Variants in ANKRD36B observed in about 807,000 individuals in gnomAD.
ANKRD36B encodes the protein ankyrin repeat domain-containing protein 36B.
ANKRD36B carries 37 observed loss-of-function variants against 135.7 expected under a neutral mutation model. The observed-to-expected ratio is 0.27, with a 90% CI of 0.21 to 0.36. The LOEUF is 0.36. ANKRD36B is among the 10% of genes least tolerant of loss of function. The pLI is 1.00. For synonymous variants in ANKRD36B, 179 were observed against 348.1 expected (o/e 0.51, Z 5.41); for missense variants, 549 against 1,037.1 (o/e 0.53, Z 6.46).
chr2:97,572,720 A>G lies in ANKRD36B; in HGVS notation c.763+3659T>C, dbSNP rs78405030. 3.1e-4 allele frequency among the ~76,000 whole-genome samples: 46 copies of G among 150,396 alleles called. No individual in the cohort carries two copies. The East Asian group carries it at 7.0e-3, about 23-fold the overall frequency. On this transcript the variant is annotated intron_variant, in intron 6 of 43. Coordinates refer to ENST00000359901, the MANE Select transcript of ANKRD36B (RefSeq NM_001393939.1). Reference sequence around the variant, plus strand: ...TGTGTTAGAAATGTGTTCTAATAATATTTTCTTTAGGGACGAAATTAAAAA... The same window carrying G: ...TGTGTTAGAAATGTGTTCTAATAATGTTTTCTTTAGGGACGAAATTAAAAA...
intron 6 of ANKRD36B, among the ~76,000 whole-genome samples, chr2:97,576,158 G>A (rs1397726184): frequency 2.0e-5 from 3 of 150,318 alleles, no homozygotes; most frequent in Non-Finnish European, 3.0e-5. Flanking sequence ...TAGAATACTA[G>A]GAACGATAAT....
At chr2:97,567,902 T>C (rs1456312373) in intron 6 of ANKRD36B, among the ~76,000 whole-genome samples, 2 of 152,154 alleles carry the variant, frequency 1.3e-5, no homozygotes, top group East Asian at 3.9e-4. Flanking sequence ...TATAGTCAAA[T>C]AGAAGGTCAA....
intron 3 of ANKRD36B, among the ~76,000 whole-genome samples, chr2:97,581,847 G>T (rs1342021218): frequency 1.3e-5 from 2 of 152,006 alleles, no homozygotes; most frequent in African/African-American, 4.8e-5. Context: ...CTGTCACCCA[G>T]GCTGGAGTGC....
In ANKRD36B at chr2:97,529,954, A is replaced by G. The variant is rs2078472429; in HGVS notation, c.2265+2357T>C. Among the ~76,000 whole-genome samples the G allele has an allele frequency of 2.1e-5, 2 of 96,632 alleles. 1 individual carries two copies. Among genetic ancestry groups the G allele is most frequent in the African/African-American group, 6.2e-5 (2 of 32,062 alleles). The allele number at this position is 96,632 out of a possible 152,430, so 63.4% of individuals were successfully genotyped here. A position where few individuals can be genotyped will look rare whatever the true frequency, so the allele number is the denominator to read the frequency against. On this transcript the variant is annotated intron_variant, in intron 35 of 43. Transcript: ENST00000359901. The stretch of plus-strand genomic sequence containing the variant: ...TCCATGCTCATGGGTAGGAAGAATC[A>G]GTATCGTTAAAATGGCCATACTGCC...
At chr2:97,554,726 A>G (rs1052915055) in intron 14 of ANKRD36B, among the ~76,000 whole-genome samples, 20 of 151,956 alleles carry the variant, frequency 1.3e-4, no homozygotes, top group African/African-American at 4.8e-4. Flanking sequence ...TGTAAAATCT[A>G]TACTTCAACT....
At chr2:97,553,867 T>C (rs577066317) in intron 14 of ANKRD36B, among the ~76,000 whole-genome samples, 2 of 152,144 alleles carry the variant, frequency 1.3e-5, no homozygotes, top group South Asian at 2.1e-4. Context: ...ACACGTCATG[T>C]CTCTGTCTCT....
intron 4 of ANKRD36B, among the ~76,000 whole-genome samples, chr2:97,579,842 A>G (rs1053270799): frequency 6.6e-6 from 1 of 152,086 alleles, no homozygotes; most frequent in Non-Finnish European, 1.5e-5. Context: ...ATATAATGTT[A>G]CTTACACACA....
chr2:97,554,970 T>TCAA, intron 14 of ANKRD36B, 90 bp downstream of exon 14: 1 of 1,487,836 alleles, frequency 6.7e-7, no homozygotes. Context: ...ATGTGCAGCT[T>TCAA]TGATGAGCCC....
At chr2:97,585,813 T>C (rs182068785) in intron 1 of ANKRD36B, among the ~76,000 whole-genome samples, 1 of 152,224 alleles carries the variant, frequency 6.6e-6, no homozygotes, top group East Asian at 1.9e-4. Flanking sequence ...ACAAAGACAT[T>C]TTAATTAAGT....
chr2:97,502,137 G>GA (rs529985305), intron 43 of ANKRD36B, among the ~76,000 whole-genome samples: 2 of 35,880 alleles, frequency 5.6e-5, no homozygotes, highest in Admixed American at 2.3e-4. Flanking sequence ...ACAAGTAAAT[G>GA]AAAAAAAAAT....
At position 97,573,068 on chromosome 2, in the gene ANKRD36B, C is replaced by G. The variant is rs555864976; in HGVS notation, c.763+3311G>C. ...CCTAATGCTATCCCTCCCCACTCCC[C>G]CCACCCCACAACAGTCCCCGGTGGG... is the stretch of plus-strand genomic sequence containing the variant. On this transcript the variant is annotated intron_variant, in intron 6 of 43. Transcript: ENST00000359901. 2.4e-3 allele frequency among the ~76,000 whole-genome samples: 366 copies of G among 152,098 alleles called. 2 individuals carry two copies. The highest frequency in any genetic ancestry group is 2.5e-3 in the South Asian group (12 of 4,810).
intron 3 of ANKRD36B, among the ~76,000 whole-genome samples, chr2:97,581,996 GA>G (rs1405479794): frequency 6.6e-6 from 1 of 150,536 alleles, no homozygotes; most frequent in Non-Finnish European, 1.5e-5. Context: ...TTGTAGTAGA[GA>G]GGGGGTTTCA....
At position 97,560,731 on chromosome 2, in the gene ANKRD36B, T is replaced by G. The variant is rs771750373; in HGVS notation, c.799A>C (p.Ser267Arg). 2 of 1,601,866 alleles carry G rather than the reference T, an allele frequency of 1.2e-6. No individual in the cohort carries two copies. Among genetic ancestry groups the G allele is most frequent in the East Asian group, 2.2e-5 (1 of 44,820 alleles). ...PQKQRAEKAT[S>R]DDKDSVSNIA... ...TTTGAAACAGAATCTTTGTCGTCAC[T>G]TGTAGCCTGAATGGGATTTGAAACA... Residue 267 changes from serine to arginine, a missense_variant, in exon 8 of 44, where the codon AGT (serine) becomes CGT (arginine). Ser to Arg is a moderately radical substitution (Grantham distance 110). Transcript: ENST00000359901.
intron 6 of ANKRD36B, among the ~76,000 whole-genome samples, chr2:97,568,003 G>T (rs2081570557): frequency 6.6e-6 from 1 of 151,878 alleles, no homozygotes; most frequent in Non-Finnish European, 1.5e-5. Flanking sequence ...CAGAAAGTAG[G>T]GTGACTATAG....
At chr2:97,572,051 T>C (rs1435834576) in intron 6 of ANKRD36B, among the ~76,000 whole-genome samples, 1 of 152,062 alleles carries the variant, frequency 6.6e-6, no homozygotes, top group African/African-American at 2.4e-5. Flanking sequence ...GGCAGGAGGA[T>C]CACTTGAAGC....
rs531220639 is a variant in ANKRD36B, at chr2:97,538,908, T to A, written c.1988-545A>T. Among the ~76,000 whole-genome samples the A allele has an allele frequency of 2.9e-4, 28 of 96,772 alleles. 5 individuals carry two copies. Among genetic ancestry groups the A allele is most frequent in the African/African-American group, 8.0e-4 (26 of 32,380 alleles). The allele number at this position is 96,772 out of a possible 152,430, so 63.5% of individuals were successfully genotyped here. ...CAGCTTCATCAGCTTGGATATAGGT[T>A]GGGATAATCCTGTATACAATATTCT... On this transcript the variant is annotated intron_variant, in intron 30 of 43. Transcript: ENST00000359901.
At chr2:97,572,232 T>C (rs933890570) in intron 6 of ANKRD36B, among the ~76,000 whole-genome samples, 3 of 150,858 alleles carry the variant, frequency 2.0e-5, no homozygotes, top group Admixed American at 2.0e-4. Flanking sequence ...CAGTGAGCTA[T>C]GATCACACTA....
chr2:97,588,009 T>C (rs914967696), intron 1 of ANKRD36B, among the ~76,000 whole-genome samples: 3 of 151,004 alleles, frequency 2.0e-5, no homozygotes, highest in Non-Finnish European at 4.4e-5. Context: ...TACACACATA[T>C]TGTCTTTTGT....
chr2:97,555,027 GAA>G, intron 14 of ANKRD36B, 31 bp downstream of exon 14: 1 of 1,606,822 alleles, frequency 6.2e-7, no homozygotes, highest in Non-Finnish European at 8.5e-7. Flanking sequence ...TATCTGGACT[GAA>G]CATGACATTA....
Sources: gnomAD v4.1 joint callset for allele counts (sites outside exome capture counted in the v4.1 genomes callset) on GRCh38, gnomAD v4.1.1 for gene constraint, MANE v1.5 for transcripts, NCBI Gene and HGNC (gene_info 2026-07-23, HGNC 2026-07-21) for gene names.